SHLD2: variants seen among roughly 807,000 people sequenced by gnomAD.
SHLD2 encodes the protein shieldin complex subunit 2.
In SHLD2, 30 loss-of-function variants were observed where a neutral mutation model predicts 73.2. That is an observed-to-expected ratio of 0.41 (90% CI 0.31 to 0.56). The LOEUF (loss-of-function observed/expected upper bound fraction) is 0.56. Ranked by LOEUF, SHLD2 falls within the 20% of genes least tolerant of loss-of-function variation. The pLI is 0.28. For synonymous variants in SHLD2, 285 were observed against 370.1 expected (o/e 0.77, Z 2.64); for missense variants, 745 against 1,055.9 (o/e 0.71, Z 4.08).
At chr10:87,148,567 G>A (rs200548728) in intron 2 of SHLD2, among the ~76,000 whole-genome samples, 23,384 of 101,962 alleles carry the variant, frequency 0.23, 2,119 homozygotes, top group African/African-American at 0.28. Context: ...GTGGGGGGGC[G>A]GGGGTTGGTT....
At position 87,170,486 on chromosome 10, in the gene SHLD2, G is replaced by A; in HGVS notation, c.1642G>A (p.Val548Ile). ...SSIQPEEYSSVVSEVVLQDLL... is the reference protein window; with the variant it reads ...SSIQPEEYSSIVSEVVLQDLL... ...TGTTTTTTTTCCCTTAGATTCCAGTGTAGTTAGTGAAGTTGTACTTCAAGA... is the reference window on the plus strand; with the variant it reads ...TGTTTTTTTTCCCTTAGATTCCAGTATAGTTAGTGAAGTTGTACTTCAAGA... Residue 548 changes from valine to isoleucine, a missense_variant, in exon 5 of 10, where the codon GTA (valine) becomes ATA (isoleucine). This residue lies in a region of SHLD2 where 418 missense variants were observed against 567.8 expected (regional missense o/e 0.74). Coordinates refer to ENST00000298786, the MANE Select transcript of SHLD2 (RefSeq NM_001330112.2). 1 of 1,577,440 alleles carries A rather than the reference G, an allele frequency of 6.3e-7. No individual in the cohort carries two copies. Among genetic ancestry groups the A allele is most frequent in the Non-Finnish European group, 8.6e-7 (1 of 1,166,410 alleles).
At chr10:87,166,858 T>C (rs1208661777) in intron 4 of SHLD2, among the ~76,000 whole-genome samples, 1 of 152,148 alleles carries the variant, frequency 6.6e-6, no homozygotes, top group Non-Finnish European at 1.5e-5. Flanking sequence ...TTTTGCCCAG[T>C]TGAAGTCAGT....
intron 2 of SHLD2, among the ~76,000 whole-genome samples, chr10:87,104,729 C>G (rs1029538332): frequency 6.6e-6 from 1 of 151,146 alleles, no homozygotes; most frequent in African/African-American, 2.4e-5. Flanking sequence ...GGCACAATCT[C>G]GGCTCGCTGC....
intron 2 of SHLD2, among the ~76,000 whole-genome samples, chr10:87,122,716 AC>A (rs1251465535): frequency 6.6e-6 from 1 of 152,234 alleles, no homozygotes; most frequent in Non-Finnish European, 1.5e-5. Context: ...TTTCATTTTG[AC>A]ATGTTTATAA....
intron 2 of SHLD2, among the ~76,000 whole-genome samples, chr10:87,146,775 C>T (rs1189874258): frequency 3.3e-5 from 5 of 151,622 alleles, no homozygotes; most frequent in African/African-American, 1.2e-4. Flanking sequence ...AACCTTGTGC[C>T]GCCCAGCGTG....
At chr10:87,188,772 G>A (rs1259736457) in intron 9 of SHLD2, among the ~76,000 whole-genome samples, 1 of 151,938 alleles carries the variant, frequency 6.6e-6, no homozygotes, top group Admixed American at 6.6e-5. Flanking sequence ...AGTCTTTTTG[G>A]CTGTTTTACA....
chr10:87,175,906 A>T lies in SHLD2; in HGVS notation c.1981A>T (p.Lys661Ter), dbSNP rs947592502. The T allele has an allele frequency of 6.5e-7, 1 of 1,550,166 alleles. No homozygotes were observed. The highest frequency in any genetic ancestry group is 8.7e-7 in the Non-Finnish European group (1 of 1,146,830). ...QRKKGYIWEF[K>*]YLFVQCNYTL... The stretch of plus-strand genomic sequence containing the variant: ...TTTTTAAGGTTATATTTGGGAATTT[A>T]AATATCTTTTTGTTCAGTGCAATTA... Residue 661 changes from lysine to a stop codon, truncating the protein, a stop_gained, in exon 7 of 10, where the codon AAA becomes TAA. Coordinates refer to ENST00000298786, the MANE Select transcript of SHLD2 (RefSeq NM_001330112.2). LOFTEE classifies it high-confidence loss of function.
chr10:87,159,884 CAT>C (rs1846685475), intron 4 of SHLD2, among the ~76,000 whole-genome samples: 2 of 151,986 alleles, frequency 1.3e-5, no homozygotes, highest in South Asian at 4.2e-4. Context: ...GTGGAAATGT[CAT>C]ATAAGAACTG....
intron 2 of SHLD2, among the ~76,000 whole-genome samples, chr10:87,135,090 A>G (rs958565160): frequency 6.6e-6 from 1 of 152,080 alleles, no homozygotes. Flanking sequence ...TTGCCAAGAT[A>G]GTATAGAGAG....
At chr10:87,151,204 A>G in intron 2 of SHLD2, 146 bp from the exon 3 acceptor site, 1 of 492,170 alleles carries the variant, frequency 2.0e-6, no homozygotes. Flanking sequence ...TGAATTTTAT[A>G]TAATTAAATG....
chr10:87,103,940 A>G (rs1842428168), intron 2 of SHLD2, among the ~76,000 whole-genome samples: 1 of 152,188 alleles, frequency 6.6e-6, no homozygotes, highest in African/African-American at 2.4e-5. Flanking sequence ...TCTCTTAAAA[A>G]TTCACTGTGC....
intron 2 of SHLD2, among the ~76,000 whole-genome samples, chr10:87,098,775 T>A (rs962587317): frequency 3.3e-5 from 5 of 152,192 alleles, no homozygotes; most frequent in Admixed American, 1.3e-4. Context: ...AGTAAGGTTT[T>A]TTTTTATTTT....
intron 2 of SHLD2, among the ~76,000 whole-genome samples, chr10:87,130,851 C>A (rs986085615): frequency 1.3e-5 from 2 of 152,108 alleles, no homozygotes; most frequent in Non-Finnish European, 2.9e-5. Context: ...CAGGTAGACT[C>A]CTTGCGTCTG....
At chr10:87,096,840 T>C (rs902433312) in intron 1 of SHLD2, 94 bp from the exon 2 acceptor site, 9 of 152,202 alleles carry the variant, frequency 5.9e-5, no homozygotes, top group African/African-American at 1.4e-4. Context: ...ACTCTCAAAG[T>C]CAAAATTATC....
chr10:87,137,362 C>CA (rs972986066), intron 2 of SHLD2, among the ~76,000 whole-genome samples: 18 of 135,492 alleles, frequency 1.3e-4, no homozygotes, highest in Middle Eastern at 3.7e-3. Context: ...CCAGAGAAAA[C>CA]AAAAAAAGGA....
At chr10:87,163,485 G>A (rs915603036) in intron 4 of SHLD2, among the ~76,000 whole-genome samples, 2 of 152,160 alleles carry the variant, frequency 1.3e-5, no homozygotes, top group Admixed American at 6.5e-5. Context: ...ACACAGAAGC[G>A]GGTGGGGAAG....
At chr10:87,106,409 C>T (rs890681666) in intron 2 of SHLD2, among the ~76,000 whole-genome samples, 1 of 129,348 alleles carries the variant, frequency 7.7e-6, no homozygotes, top group Non-Finnish European at 1.6e-5. Flanking sequence ...TTTTTTAACG[C>T]AATTTACAAA....
At chr10:87,156,824 A>G (rs1181698022) in intron 3 of SHLD2, among the ~76,000 whole-genome samples, 1 of 152,146 alleles carries the variant, frequency 6.6e-6, no homozygotes, top group Non-Finnish European at 1.5e-5. Flanking sequence ...GCAGTGGGGA[A>G]CCACTGTTTT....
At chr10:87,135,426 G>A (rs977771658) in intron 2 of SHLD2, among the ~76,000 whole-genome samples, 2 of 151,960 alleles carry the variant, frequency 1.3e-5, no homozygotes, top group Non-Finnish European at 2.9e-5. Flanking sequence ...ATATCTGTTT[G>A]GTATTTTTGT....
Sources: gnomAD v4.1 joint callset for allele counts (sites outside exome capture counted in the v4.1 genomes callset) on GRCh38, gnomAD v4.1.1 for gene constraint, gnomAD v4.1.1 regional missense constraint, MANE v1.5 for transcripts, NCBI Gene and HGNC (gene_info 2026-07-23, HGNC 2026-07-21) for gene names.